Variants in ABRAXAS2 observed in about 807,000 individuals in gnomAD.
ABRAXAS2 encodes BRISC complex subunit Abraxas 2.
Under a neutral mutation model 49.0 loss-of-function variants are expected in ABRAXAS2, and 23 were observed. That is an observed-to-expected ratio of 0.47 (90% confidence interval 0.34 to 0.66). ABRAXAS2 has a LOEUF of 0.66. ABRAXAS2 is among the 30% of genes least tolerant of loss of function. ABRAXAS2 has a pLI of 0.01. For synonymous variants in ABRAXAS2, 168 were observed against 180.2 expected, an observed-to-expected ratio of 0.93 and a Z score of 0.54; for missense variants, 443 against 511.9, an observed-to-expected ratio of 0.87 and a Z score of 1.30.
intron 8 of ABRAXAS2, among the ~76,000 whole-genome samples, 153 bp downstream of exon 8, chr10:124,831,616 T>C (rs1950933137): frequency 6.6e-6 from 1 of 152,202 alleles, no homozygotes; most frequent in African/African-American, 2.4e-5. Context: ...TCAGCTTCTC[T>C]GGAGGGCAAG....
At chr10:124,807,509 C>T (rs754923219) in intron 2 of ABRAXAS2, among the ~76,000 whole-genome samples, 14 of 151,158 alleles carry the variant, frequency 9.3e-5, no homozygotes, top group South Asian at 2.1e-4. Flanking sequence ...AAAAATTAGC[C>T]GGGCGTGGTG....
chr10:124,807,410 T>C (rs1950753040), intron 2 of ABRAXAS2, among the ~76,000 whole-genome samples: 1 of 151,300 alleles, frequency 6.6e-6, no homozygotes, highest in Admixed American at 6.6e-5. Context: ...CCCAGCACTT[T>C]GGGAGGCTGA....
In ABRAXAS2 at chr10:124,826,164, A is replaced by G. The variant is rs1324831307; in HGVS notation, c.268-431A>G. Among the ~76,000 whole-genome samples the G allele has an allele frequency of 5.9e-5, 9 of 152,364 alleles. No individual in the cohort carries two copies. In the East Asian group the frequency reaches 1.5e-3, roughly 26 times the overall value. ...TGTGTAAACTTGTGAAACCATCACC[A>G]TATTAAGATAACGAGCATCTCCTTC... On this transcript the variant is annotated intron_variant, in intron 4 of 8. Coordinates refer to ENST00000298492, the MANE Select transcript of ABRAXAS2 (RefSeq NM_032182.4).
At chr10:124,809,742 CATT>C (rs984236308) in intron 2 of ABRAXAS2, among the ~76,000 whole-genome samples, 23 of 151,510 alleles carry the variant, frequency 1.5e-4, no homozygotes, top group African/African-American at 5.1e-4. Flanking sequence ...TTTCTTCAAA[CATT>C]ATGAGATTTT....
At chr10:124,816,542 TTAAC>T (rs1950826366) in intron 2 of ABRAXAS2, 30 bp from the exon 3 acceptor site, 2 of 1,516,210 alleles carry the variant, frequency 1.3e-6, no homozygotes, top group Non-Finnish European at 1.8e-6. Context: ...TCTTACATGA[TTAAC>T]TAAGATGTAT....
chr10:124,802,600 TC>T (rs1282966294), intron 1 of ABRAXAS2, among the ~76,000 whole-genome samples: 2 of 152,320 alleles, frequency 1.3e-5, no homozygotes, highest in African/African-American at 4.8e-5. Context: ...GAGGAGCAGA[TC>T]CTGTCTGTTT....
intron 5 of ABRAXAS2, among the ~76,000 whole-genome samples, chr10:124,827,898 T>C (rs1950906910): frequency 6.6e-6 from 1 of 152,242 alleles, no homozygotes; most frequent in Admixed American, 6.5e-5. Context: ...AAAAGGTTTT[T>C]ATAAGATTTC....
At chr10:124,825,873 G>A (rs538766625) in intron 4 of ABRAXAS2, among the ~76,000 whole-genome samples, 2 of 152,168 alleles carry the variant, frequency 1.3e-5, no homozygotes, top group African/African-American at 2.4e-5. Context: ...AGATTTGGGT[G>A]GGGTCCAGGA....
At chr10:124,825,271 T>G (rs965797205) in intron 4 of ABRAXAS2, among the ~76,000 whole-genome samples, 10 of 136,286 alleles carry the variant, frequency 7.3e-5, no homozygotes, top group African/African-American at 2.8e-4. Flanking sequence ...TGAGCCGAGA[T>G]CATGCCACTG....
chr10:124,823,839 G>C (rs1285760125), intron 4 of ABRAXAS2, among the ~76,000 whole-genome samples: 1 of 152,214 alleles, frequency 6.6e-6, no homozygotes, highest in Non-Finnish European at 1.5e-5. Flanking sequence ...CTAAAAGGTA[G>C]AATCAAAGAT....
At chr10:124,826,953 G>A (rs1298731942) in intron 5 of ABRAXAS2, among the ~76,000 whole-genome samples, 168 bp downstream of exon 5, 2 of 144,366 alleles carry the variant, frequency 1.4e-5, no homozygotes, top group Admixed American at 6.8e-5. Flanking sequence ...AATTAGCTGG[G>A]TGTGGTGGCA....
intron 4 of ABRAXAS2, among the ~76,000 whole-genome samples, chr10:124,820,576 G>T (rs1950856051): frequency 6.6e-6 from 1 of 152,030 alleles, no homozygotes; most frequent in African/African-American, 2.4e-5. Context: ...CCACCTCCCA[G>T]GTTCAAGCAG....
intron 4 of ABRAXAS2, among the ~76,000 whole-genome samples, chr10:124,822,162 G>A (rs1160008306): frequency 6.6e-6 from 1 of 152,178 alleles, no homozygotes; most frequent in African/African-American, 2.4e-5. Flanking sequence ...CCAGCAGTGG[G>A]GAACAGTGAA....
At chr10:124,831,542 A>G in intron 8 of ABRAXAS2, 79 bp downstream of exon 8, 1 of 751,864 alleles carries the variant, frequency 1.3e-6, no homozygotes, top group Non-Finnish European at 2.2e-6. Context: ...ACAATAAATT[A>G]TGTGCCTCTT....
chr10:124,806,097 G>T (rs112072796), intron 1 of ABRAXAS2, among the ~76,000 whole-genome samples: 2 of 151,926 alleles, frequency 1.3e-5, no homozygotes, highest in African/African-American at 2.4e-5. Flanking sequence ...TCAGGAGATC[G>T]AGACCATCCT....
At chr10:124,818,526 A>G (rs117650344) in intron 3 of ABRAXAS2, among the ~76,000 whole-genome samples, 3,014 of 152,262 alleles carry the variant, frequency 0.02, 57 homozygotes, top group South Asian at 0.078. Context: ...GACTTGCCCC[A>G]GATCATATAG....
chr10:124,834,357 T>C, intron 8 of ABRAXAS2, 145 bp from the exon 9 acceptor site: 1 of 652,106 alleles, frequency 1.5e-6, no homozygotes, highest in South Asian at 2.0e-5. Context: ...TCAAGTACTA[T>C]GCAATTGTAA....
chr10:124,835,249 T>C lies in ABRAXAS2; in HGVS notation c.*278T>C, dbSNP rs1471393582. Reference sequence around the variant, plus strand: ...GTAAATTTAGGCAAAGTGAAACTTATCAGCGTAGTTTCTGTTCTTTAAAAT... The same window carrying C: ...GTAAATTTAGGCAAAGTGAAACTTACCAGCGTAGTTTCTGTTCTTTAAAAT... On this transcript the variant is annotated 3_prime_UTR_variant, in exon 9 of 9. Coordinates refer to ENST00000298492, the MANE Select transcript of ABRAXAS2 (RefSeq NM_032182.4). 24 of 285,862 alleles carry C rather than the reference T, an allele frequency of 8.4e-5. 2 individuals carry two copies. The South Asian group carries it at 1.3e-3, about 16-fold the overall frequency. 17.7% of individuals were successfully genotyped at this position (285,862 alleles called of 1,614,324 possible).
At chr10:124,827,545 A>T (rs1416498202) in intron 5 of ABRAXAS2, among the ~76,000 whole-genome samples, 2 of 152,198 alleles carry the variant, frequency 1.3e-5, no homozygotes, top group Non-Finnish European at 2.9e-5. Context: ...AAGCATTAAC[A>T]AGACATGTTT....
Sources: allele counts gnomAD v4.1 joint callset (sites outside exome capture counted in the v4.1 genomes callset), GRCh38; gene constraint gnomAD v4.1.1; transcripts MANE v1.5; gene names NCBI Gene and HGNC (gene_info 2026-07-23, HGNC 2026-07-21).